AP2B1: variants seen among roughly 807,000 people sequenced by gnomAD.
The protein encoded by AP2B1 is adaptor related protein complex 2 subunit beta 1.
In AP2B1, 23 loss-of-function variants were observed where a neutral mutation model predicts 102.0. That is an observed-to-expected ratio of 0.23 (90% confidence interval 0.16 to 0.32). The LOEUF (loss-of-function observed/expected upper bound fraction) is 0.32, where lower values mean the gene tolerates loss of function less well. Ranked by LOEUF, AP2B1 falls within the 10% of genes least tolerant of loss-of-function variation. The pLI, the probability that AP2B1 is intolerant of heterozygous loss-of-function variation, is 1.00. For synonymous variants in AP2B1, 381 were observed against 421.2 expected (o/e 0.90, Z 1.17); for missense variants, 541 against 1,157.4 (o/e 0.47, Z 7.73).
intron 17 of AP2B1, among the ~76,000 whole-genome samples, chr17:35,682,359 TGA>T (rs2075841328): frequency 7.7e-6 from 1 of 130,550 alleles, no homozygotes. Flanking sequence ...TTTTTTTTTT[TGA>T]GATGGAGTTT....
intron 18 of AP2B1, among the ~76,000 whole-genome samples, chr17:35,699,316 A>G (rs6505491): frequency 0.5 from 75,684 of 152,060 alleles, 18,887 homozygotes; most frequent in East Asian, 0.52. Flanking sequence ...GCTGAAGTGC[A>G]TATTAGGGAC....
chr17:35,650,865 A>G, intron 13 of AP2B1, 76 bp downstream of exon 13: 1 of 1,499,980 alleles, frequency 6.7e-7, no homozygotes, highest in Non-Finnish European at 9.1e-7. Flanking sequence ...ATGCTTTTAT[A>G]GTCTGGAAAA....
rs2075461715 is a variant in AP2B1 at position 35,666,207 on chromosome 17, C to T, written c.1990-4650C>T. Among the ~76,000 whole-genome samples, 9 of 152,264 alleles carry T rather than the reference C, an allele frequency of 5.9e-5. No homozygotes were observed. In the South Asian group the frequency reaches 1.9e-3, roughly 32 times the overall value. ...TAACCATGCCGAAATCCCTTTAGCC[C>T]ATAAGTTACAATAAGTCACCATAAA... On this transcript the variant is annotated intron_variant, in intron 14 of 21. Transcript: ENST00000610402.
intron 21 of AP2B1, 112 bp downstream of exon 21, chr17:35,717,461 A>G (rs2085209330): frequency 8.2e-7 from 1 of 1,217,384 alleles, no homozygotes; most frequent in Non-Finnish European, 1.2e-6. Flanking sequence ...AACCTGAGAT[A>G]TACAAAATAA....
At chr17:35,634,289 GTTTTA>G (rs1264231819) in intron 9 of AP2B1, among the ~76,000 whole-genome samples, 1 of 152,216 alleles carries the variant, frequency 6.6e-6, no homozygotes, top group Non-Finnish European at 1.5e-5. Flanking sequence ...TAGTGATGCA[GTTTTA>G]TCTATTCCTC....
intron 10 of AP2B1, 68 bp from the exon 11 acceptor site, chr17:35,639,518 GTTTTGCCTT>G: frequency 7.2e-7 from 1 of 1,384,948 alleles, no homozygotes; most frequent in Non-Finnish European, 9.8e-7. Context: ...CTTGTTTGTG[GTTTTGCCTT>G]TAGCCTTCAC....
intron 2 of AP2B1, chr17:35,597,095 A>G: frequency 3.7e-6 from 2 of 537,902 alleles, no homozygotes; most frequent in Non-Finnish European, 6.8e-6. Flanking sequence ...CTCCGGGGCC[A>G]CTGAGGCAGC....
chr17:35,662,542 T>G (rs1230766086), intron 14 of AP2B1, among the ~76,000 whole-genome samples: 4 of 150,514 alleles, frequency 2.7e-5, no homozygotes, highest in Admixed American at 6.6e-5. Flanking sequence ...GTTTTTTTTT[T>G]TTTTTTTTTA....
intron 18 of AP2B1, among the ~76,000 whole-genome samples, chr17:35,697,657 A>G (rs1266346162): frequency 1.3e-5 from 2 of 152,212 alleles, no homozygotes; most frequent in African/African-American, 4.8e-5. Context: ...AAGTGTAAGG[A>G]GGCAAACTTT....
chr17:35,722,347 A>G (rs901470205), intron 21 of AP2B1, among the ~76,000 whole-genome samples: 6 of 152,168 alleles, frequency 3.9e-5, no homozygotes, highest in Non-Finnish European at 7.3e-5. Context: ...AGGAATAGCT[A>G]TATTCTTAAG....
intron 18 of AP2B1, 134 bp downstream of exon 18, chr17:35,682,958 A>G (rs2075855967): frequency 1.1e-5 from 8 of 745,128 alleles, no homozygotes; most frequent in East Asian, 4.9e-5. Flanking sequence ...GCTCACTGCA[A>G]CCTCTGCCTC....
intron 17 of AP2B1, among the ~76,000 whole-genome samples, chr17:35,681,666 G>A (rs1429077954): frequency 6.6e-6 from 1 of 152,046 alleles, no homozygotes; most frequent in Admixed American, 6.6e-5. Flanking sequence ...GCCTCCCAAA[G>A]TGCTGGGATT....
intron 18 of AP2B1, among the ~76,000 whole-genome samples, chr17:35,709,016 A>G (rs1463762931): frequency 2.0e-5 from 3 of 152,186 alleles, no homozygotes; most frequent in Non-Finnish European, 2.9e-5. Context: ...GGAAGGAGGT[A>G]GAGTTGCAGG....
At chr17:35,706,101 T>G (rs753211849) in intron 18 of AP2B1, among the ~76,000 whole-genome samples, 2 of 152,170 alleles carry the variant, frequency 1.3e-5, no homozygotes, top group African/African-American at 4.8e-5. Flanking sequence ...TGTTCTACAG[T>G]AGAAGTCCCA....
At chr17:35,710,210 C>T (rs1169670266) in intron 19 of AP2B1, 24 bp from the exon 20 acceptor site, 2 of 1,551,046 alleles carry the variant, frequency 1.3e-6, no homozygotes, top group Non-Finnish European at 8.9e-7. Context: ...CACATCCATC[C>T]TTCCCCTCTG....
intron 18 of AP2B1, among the ~76,000 whole-genome samples, chr17:35,705,792 T>C (rs776768188): frequency 1.1e-3 from 163 of 151,888 alleles, no homozygotes; most frequent in Non-Finnish European, 1.9e-3. Flanking sequence ...AAGGCTCACA[T>C]GGTGGCTCAC....
At position 35,710,382 on chromosome 17, in the gene AP2B1, T is replaced by G. The variant is rs587709670; in HGVS notation, c.2626+62T>G. ...TAAATCAAATTAGATATTTGAAATT[T>G]TAATCTTTCTTTTGCCTACCCTTTT... On this transcript the variant is annotated intron_variant, in intron 20 of 21. Coordinates refer to ENST00000610402, the MANE Select transcript of AP2B1 (RefSeq NM_001030006.2). 3 of 1,200,198 alleles carry G rather than the reference T, an allele frequency of 2.5e-6. No individual in the cohort carries two copies. In the South Asian group the frequency reaches 3.9e-5, roughly 16 times the overall value. The allele number at this position is 1,200,198 out of a possible 1,614,324, so 74.3% of individuals were successfully genotyped here. A position where few individuals can be genotyped will look rare whatever the true frequency, so the allele number is the denominator to read the frequency against.
chr17:35,666,079 C>T (rs1215878295), intron 14 of AP2B1, among the ~76,000 whole-genome samples: 1 of 152,072 alleles, frequency 6.6e-6, no homozygotes, highest in East Asian at 1.9e-4. Context: ...AGCACATTGC[C>T]ATTGGACAGG....
chr17:35,623,250 G>A (rs981208435), intron 5 of AP2B1, among the ~76,000 whole-genome samples: 5 of 152,086 alleles, frequency 3.3e-5, no homozygotes, highest in Admixed American at 6.6e-5. Context: ...CAGGATACAA[G>A]TGTACTTTCT....
Sources: allele counts gnomAD v4.1 joint callset (sites outside exome capture counted in the v4.1 genomes callset), GRCh38; gene constraint gnomAD v4.1.1; transcripts MANE v1.5; gene names NCBI Gene and HGNC (gene_info 2026-07-23, HGNC 2026-07-21).